CD36: variants seen among roughly 807,000 people sequenced by gnomAD.
The protein encoded by CD36 is CD36 molecule (CD36 blood group).
In CD36, 119 loss-of-function variants were observed where a neutral mutation model predicts 55.2. The observed-to-expected ratio is 2.15, with a 90% CI of 1.86 to 2.51. CD36 has a LOEUF of 2.51. CD36 is among the 30% of genes most tolerant of loss of function. The pLI, the probability that CD36 is intolerant of heterozygous loss-of-function variation, is 0.00. For synonymous variants in CD36, 186 were observed against 193.6 expected (o/e 0.96, Z 0.33); for missense variants, 819 against 555.5 (o/e 1.47, Z -4.77).
intron 1 of CD36, among the ~76,000 whole-genome samples, chr7:80,628,499 AACC>A (rs1793875511): frequency 6.6e-6 from 1 of 152,062 alleles, no homozygotes; most frequent in African/African-American, 2.4e-5. Context: ...GAGTGTAGAA[AACC>A]ATATTGCAGA....
At chr7:80,656,072 A>G (rs187237021) in intron 3 of CD36, among the ~76,000 whole-genome samples, 2 of 152,040 alleles carry the variant, frequency 1.3e-5, no homozygotes, top group East Asian at 1.9e-4. Flanking sequence ...GAAGTGTCCA[A>G]CTCTTGAAGG....
intron 5 of CD36, among the ~76,000 whole-genome samples, chr7:80,661,574 C>T (rs1431886438): frequency 1.3e-5 from 2 of 152,216 alleles, no homozygotes; most frequent in Middle Eastern, 3.4e-3. Context: ...GGTTTCCAAA[C>T]GCAGCCTGTA....
chr7:80,674,553 A>G (rs1798072601), intron 14 of CD36: 1 of 240,716 alleles, frequency 4.2e-6, no homozygotes, highest in Non-Finnish European at 8.2e-6. Context: ...TTCCAAATCC[A>G]GAAAAGTCCT....
At chr7:80,673,496 T>G in intron 13 of CD36, 87 bp downstream of exon 13, 2 of 819,510 alleles carry the variant, frequency 2.4e-6, no homozygotes, top group South Asian at 2.7e-5. Flanking sequence ...GTATAGTATT[T>G]AAAGCTATAT....
At chr7:80,654,675 G>A (rs1292398648) in intron 3 of CD36, among the ~76,000 whole-genome samples, 1 of 152,104 alleles carries the variant, frequency 6.6e-6, no homozygotes, top group Admixed American at 6.6e-5. Flanking sequence ...GTTGTAAAAA[G>A]TAATAAAGAT....
chr7:80,626,126 A>C (rs1022966413), intron 1 of CD36: 5 of 152,062 alleles, frequency 3.3e-5, no homozygotes, highest in African/African-American at 1.2e-4. Flanking sequence ...GTGGAGTCTC[A>C]GGTTGCTTAG....
intron 7 of CD36, 86 bp downstream of exon 7, chr7:80,664,583 G>A (rs1177929092): frequency 2.5e-6 from 2 of 807,518 alleles, no homozygotes; most frequent in Non-Finnish European, 4.4e-6. Context: ...ATAAGACATA[G>A]GCATCAACCT....
chr7:80,616,888 G>A (rs752736538), intron 1 of CD36, among the ~76,000 whole-genome samples: 8 of 152,156 alleles, frequency 5.3e-5, no homozygotes, highest in Non-Finnish European at 7.3e-5. Flanking sequence ...TCTTGTTTCA[G>A]TCTTTTAAAA....
intron 1 of CD36, among the ~76,000 whole-genome samples, chr7:80,605,098 T>C (rs1221278154): frequency 6.6e-6 from 1 of 152,156 alleles, no homozygotes. Flanking sequence ...GCATCCTGTC[T>C]TTCCAGAGAA....
At chr7:80,637,569 G>T (rs1537591), upstream of CD36, among the ~76,000 whole-genome samples, 1,302 of 148,326 alleles carry the variant, frequency 8.8e-3, 56 homozygotes, top group East Asian at 0.1. Context: ...AGTGTTTGGG[G>T]TTTTTTTTTT....
intron 3 of CD36, among the ~76,000 whole-genome samples, chr7:80,655,082 AGT>A (rs1795947848): frequency 6.6e-6 from 1 of 152,156 alleles, no homozygotes; most frequent in African/African-American, 2.4e-5. Context: ...CATTCTGTGA[AGT>A]GGTGCTTCCA....
At chr7:80,669,849 C>T (rs746912071) in intron 8 of CD36, 104 bp from the exon 9 acceptor site, 2 of 807,030 alleles carry the variant, frequency 2.5e-6, no homozygotes, top group African/African-American at 3.4e-5. Flanking sequence ...ATTACTTAGG[C>T]AGTTTGCATT....
chr7:80,653,158 A>G (rs942283361), intron 3 of CD36, among the ~76,000 whole-genome samples: 2 of 152,190 alleles, frequency 1.3e-5, no homozygotes, highest in African/African-American at 4.8e-5. Flanking sequence ...AGAAGCCACT[A>G]TACCTTGTTA....
intron 1 of CD36, among the ~76,000 whole-genome samples, chr7:80,643,110 A>G (rs1794925946): frequency 6.6e-6 from 1 of 151,852 alleles, no homozygotes; most frequent in Non-Finnish European, 1.5e-5. Context: ...CGCATGCACT[A>G]CTCCCTGGTT....
chr7:80,658,893 T>C (rs546591798), intron 4 of CD36, among the ~76,000 whole-genome samples: 46 of 152,330 alleles, frequency 3.0e-4, no homozygotes, highest in South Asian at 1.2e-3. Context: ...TATTTTATTC[T>C]TAAAGCCTTT....
intron 4 of CD36, among the ~76,000 whole-genome samples, chr7:80,657,429 T>C (rs933133999): frequency 1.3e-5 from 2 of 152,212 alleles, no homozygotes; most frequent in Non-Finnish European, 2.9e-5. Context: ...TGAGACAATA[T>C]TTTATATCTT....
intron 14 of CD36, 34 bp downstream of exon 14, chr7:80,674,181 T>C: frequency 7.1e-7 from 1 of 1,402,632 alleles, no homozygotes; most frequent in Non-Finnish European, 1.0e-6. Flanking sequence ...GCTTCAATAA[T>C]ATTAGCTTAT....
At chr7:80,605,492 G>GA (rs35574453) in intron 1 of CD36, among the ~76,000 whole-genome samples, 17,517 of 151,658 alleles carry the variant, frequency 0.12, 1,452 homozygotes, top group East Asian at 0.34. Flanking sequence ...GTCTCTGGGG[G>GA]AAAAAAAATG....
chr7:80,671,611 A>G (rs1405489887), intron 10 of CD36, among the ~76,000 whole-genome samples: 1 of 152,104 alleles, frequency 6.6e-6, no homozygotes, highest in Non-Finnish European at 1.5e-5. Context: ...AGAGTTAAAC[A>G]TAAAATTTGG....
Sources: allele counts gnomAD v4.1 joint callset (sites outside exome capture counted in the v4.1 genomes callset), GRCh38; gene constraint gnomAD v4.1.1; transcripts MANE v1.5; gene names NCBI Gene and HGNC (gene_info 2026-07-23, HGNC 2026-07-21).